Variants in KLF8 observed in about 807,000 individuals in gnomAD.
KLF8 encodes the protein Krueppel-like factor 8.
In KLF8, 10 loss-of-function variants were observed where a neutral mutation model predicts 18.2. The observed-to-expected ratio is 0.55, with a 90% CI of 0.34 to 0.93. The LOEUF is 0.93. Among genes scored for constraint, KLF8 ranks in the 40% least tolerant of loss-of-function variants. The pLI is 0.02. For missense variants in KLF8, 264 were observed against 277.9 expected (o/e 0.95, Z 0.36); for synonymous variants, 109 against 97.3 (o/e 1.12, Z -0.71).
At chrX:56,104,258 C>T in the KLF8 span, among the ~76,000 whole-genome samples, 1 of 111,471 alleles carries the variant, frequency 9.0e-6, no homozygotes, top group African/African-American at 3.3e-5. Context: ...CCCTCTTTTT[C>T]TATTGATTGG....
the KLF8 span, among the ~76,000 whole-genome samples, chrX:56,185,668 C>T: frequency 4.5e-5 from 5 of 111,893 alleles, no homozygotes; most frequent in African/African-American, 6.5e-5. Context: ...AGACTAATAG[C>T]GAATCTCTCG....
At chrX:56,183,512 T>C in the KLF8 span, among the ~76,000 whole-genome samples, 1 of 111,184 alleles carries the variant, frequency 9.0e-6, no homozygotes, top group East Asian at 2.9e-4. Context: ...TGTACCACAG[T>C]TGGAAATGCA....
the KLF8 span, among the ~76,000 whole-genome samples, chrX:56,083,258 G>A: frequency 1.4e-4 from 16 of 111,587 alleles, no homozygotes. Context: ...AACAAGTTAT[G>A]GAAACAAAAG....
chrX:56,263,135 CAG>C (rs2066909019), intron 2 of KLF8, among the ~76,000 whole-genome samples: 1 of 111,576 alleles, frequency 9.0e-6, no homozygotes, highest in Non-Finnish European at 1.9e-5. Flanking sequence ...ATTCTGAGAA[CAG>C]GGGAGTTTTA....
the KLF8 span, among the ~76,000 whole-genome samples, chrX:56,008,118 C>A: frequency 1.0e-5 from 1 of 99,811 alleles, no homozygotes; most frequent in African/African-American, 3.8e-5. Context: ...TAGTGCAAAG[C>A]TATATATATA....
the KLF8 span, among the ~76,000 whole-genome samples, chrX:56,049,401 G>T: frequency 9.0e-6 from 1 of 110,970 alleles, no homozygotes; most frequent in African/African-American, 3.3e-5. Flanking sequence ...TTGGCTGTGG[G>T]TTTGTCATAG....
the KLF8 span, among the ~76,000 whole-genome samples, chrX:56,072,583 T>C: frequency 2.7e-5 from 3 of 112,066 alleles, no homozygotes; most frequent in South Asian, 1.1e-3. Context: ...GCTTTTATCT[T>C]TTGTCAGCTG....
chrX:56,076,411 G>A, the KLF8 span, among the ~76,000 whole-genome samples: 3 of 104,707 alleles, frequency 2.9e-5, no homozygotes, highest in Admixed American at 1.0e-4. Flanking sequence ...TGTTCTTGCA[G>A]CAGTTTACTG....
At chrX:56,205,501 C>T in the KLF8 span, among the ~76,000 whole-genome samples, 23 of 111,505 alleles carry the variant, frequency 2.1e-4, no homozygotes, top group Non-Finnish European at 7.5e-5. Context: ...TCATTGCATC[C>T]CAGGGATTGC....
At chrX:56,058,304 A>ACATACG in the KLF8 span, among the ~76,000 whole-genome samples, 42 of 77,230 alleles carry the variant, frequency 5.4e-4, no homozygotes, top group African/African-American at 1.6e-3. Context: ...ATATATATAT[A>ACATACG]TATATATATA....
the KLF8 span, among the ~76,000 whole-genome samples, chrX:56,185,824 T>C: frequency 4.5e-5 from 5 of 111,635 alleles, no homozygotes; most frequent in African/African-American, 1.6e-4. Flanking sequence ...AAGCAAATGC[T>C]GAGAGATTTT....
chrX:56,282,895 T>G (rs1238608304), intron 5 of KLF8, among the ~76,000 whole-genome samples: 1 of 111,982 alleles, frequency 8.9e-6, no homozygotes, highest in Non-Finnish European at 1.9e-5. Context: ...TCAAAATTTT[T>G]ATTATATGAT....
chrX:56,172,756 C>A, the KLF8 span, among the ~76,000 whole-genome samples: 2 of 111,999 alleles, frequency 1.8e-5, no homozygotes, highest in African/African-American at 6.5e-5. Flanking sequence ...TCCACATCTT[C>A]TCCAGCACCT....
chrX:55,908,803 A>G, the KLF8 span: 1 of 254,766 alleles, frequency 3.9e-6, no homozygotes, highest in Non-Finnish European at 7.0e-6. Flanking sequence ...ATCCGAAAGT[A>G]AGTTCCTTTT....
the KLF8 span, among the ~76,000 whole-genome samples, chrX:55,980,406 T>C: frequency 9.0e-6 from 1 of 110,858 alleles, no homozygotes; most frequent in South Asian, 3.9e-4. Flanking sequence ...TAGAGGAGGG[T>C]AAGGTTTGGA....
chrX:55,910,283 ACT>A, the KLF8 span, among the ~76,000 whole-genome samples: 1 of 111,509 alleles, frequency 9.0e-6, no homozygotes, highest in Admixed American at 9.6e-5. Context: ...ACCACACAAG[ACT>A]CTGGGGAAAA....
chrX:55,988,563 C>A, the KLF8 span, among the ~76,000 whole-genome samples: 1 of 111,245 alleles, frequency 9.0e-6, no homozygotes, highest in Admixed American at 9.5e-5. Flanking sequence ...TGGTCTATAT[C>A]TCTGTTTTGG....
At chrX:56,031,865 CG>C in the KLF8 span, among the ~76,000 whole-genome samples, 1 of 111,308 alleles carries the variant, frequency 9.0e-6, no homozygotes, top group Non-Finnish European at 1.9e-5. Context: ...GGGCTCACAA[CG>C]TTAAAGATTT....
the KLF8 span, among the ~76,000 whole-genome samples, chrX:56,199,167 A>C: frequency 6.2e-5 from 7 of 112,272 alleles, no homozygotes; most frequent in Non-Finnish European, 1.1e-4. Flanking sequence ...ACCATTCAGG[A>C]AATAGGCATT....
Sources: gnomAD v4.1 joint callset for allele counts (sites outside exome capture counted in the v4.1 genomes callset) on GRCh38, gnomAD v4.1.1 for gene constraint, MANE v1.5 for transcripts, NCBI Gene and HGNC (gene_info 2026-07-23, HGNC 2026-07-21) for gene names.